CEP250: variants seen among roughly 807,000 people sequenced by gnomAD.
The protein encoded by CEP250 is centrosome-associated protein CEP250.
A neutral mutation model predicts 315.7 loss-of-function variants in CEP250; 242 were observed. That is an observed-to-expected ratio of 0.77 (90% confidence interval 0.69 to 0.85). The LOEUF is 0.85. Among genes scored for constraint, CEP250 ranks in the 40% least tolerant of loss-of-function variants. The probability of loss-of-function intolerance (pLI) is 0.00; values close to 1 mark genes in which losing one functional copy is unlikely to be tolerated. For synonymous variants in CEP250, 1,088 were observed against 1,175.0 expected (o/e 0.93, Z 1.51); for missense variants, 2,515 against 2,886.4 (o/e 0.87, Z 2.95).
rs2064077764 is a variant in CEP250, at chr20:35,503,417, AG to A, written c.5050del (p.Asp1684ThrfsTer9). 1 of 1,614,182 alleles carries A rather than the reference AG, an allele frequency of 6.2e-7. No homozygotes were observed. On this transcript the variant is annotated frameshift_variant, in exon 30 of 35. Coordinates refer to ENST00000397527, the MANE Select transcript of CEP250 (RefSeq NM_007186.6). LOFTEE classifies it high-confidence loss of function. The surrounding 1 kb of genome is among the most constrained non-coding windows in gnomAD (Gnocchi z 4.2). ...QRTRQTKILE[E>X]DLEQIKLSLR... is the part of the protein sequence containing the mutation. ...ACCCGGCAGACCAAGATCCTGGAGG[AG>A]GACCTGGAACAGATCAAGCTGTCCT...
At chr20:35,476,281 C>T (rs2063171147) in intron 15 of CEP250, 168 bp from the exon 16 acceptor site, 1 of 592,904 alleles carries the variant, frequency 1.7e-6, no homozygotes, top group Non-Finnish European at 3.0e-6. Context: ...GAGGTCCTGT[C>T]TCACTCCTTA....
rs2063216830 is a variant in CEP250 at position 35,477,855 on chromosome 20, C to A, written c.1864-16C>A. On this transcript the variant is annotated splice_polypyrimidine_tract_variant and intron_variant, in intron 16 of 34. Coordinates refer to ENST00000397527, the MANE Select transcript of CEP250 (RefSeq NM_007186.6). The stretch of plus-strand genomic sequence containing the variant: ...TGTCTTTGATGCTTGTACTCCCTTC[C>A]CTTTTTGGCCAGTAGTTAGAGGAGG... 2 of 1,558,564 alleles carry A rather than the reference C, an allele frequency of 1.3e-6. No homozygotes were observed. Among genetic ancestry groups the A allele is most frequent in the African/African-American group, 1.4e-5 (1 of 73,822 alleles).
At position 35,511,886 on chromosome 20, in the gene CEP250, C is replaced by G; in HGVS notation, c.*260C>G. On this transcript the variant is annotated 3_prime_UTR_variant, in exon 35 of 35. Transcript: ENST00000397527. ...CCTTGCCCTGGCTGAGGGACATGTA[C>G]TGCCTCTCATCTAGAATTTATTTTC... The G allele has an allele frequency of 1.6e-6, 2 of 1,289,362 alleles. No homozygotes were observed. Among genetic ancestry groups the G allele is most frequent in the African/African-American group, 1.5e-5 (1 of 66,870 alleles). The allele number at this position is 1,289,362 out of a possible 1,614,324, so 79.9% of individuals were successfully genotyped here.
chr20:35,461,395 C>CTCT (rs3838369), intron 3 of CEP250, among the ~76,000 whole-genome samples: 53,030 of 151,860 alleles, frequency 0.35, 10,917 homozygotes, highest in African/African-American at 0.57. Flanking sequence ...ACACCCAGAA[C>CTCT]TCTTTACCAC....
In CEP250 at chr20:35,515,132, G is replaced by C. The variant is rs563931132; in HGVS notation, c.*3506G>C. On this transcript the variant is annotated 3_prime_UTR_variant, in exon 35 of 35. Coordinates refer to ENST00000397527, the MANE Select transcript of CEP250 (RefSeq NM_007186.6). ...GGGTCTAGCTGTGACCTGGGGATCG[G>C]TTGGAGTAGCTTCTTGACCAGCCGG... 6.6e-6 allele frequency: 1 copy of C among 152,622 alleles called. No individual in the cohort carries two copies. Among genetic ancestry groups the C allele is most frequent in the Admixed American group, 6.5e-5 (1 of 15,304 alleles). The allele number at this position is 152,622 out of a possible 1,614,324, so 9.5% of individuals were successfully genotyped here.
At position 35,479,750 on chromosome 20, in the gene CEP250, C is replaced by G. The variant is rs764489895; in HGVS notation, c.2393C>G (p.Thr798Ser). ...CTGGAGGTCCAGATTCAAACTGTCACTCAAGCCAAGGAAGTAATCCAAGGT... is the reference window on the plus strand; with the variant it reads ...CTGGAGGTCCAGATTCAAACTGTCAGTCAAGCCAAGGAAGTAATCCAAGGT... ...GQLEVQIQTV[T>S]QAKEVIQGEV... Residue 798 changes from threonine (T) to serine (S), a missense_variant, in exon 19 of 35, where the codon ACT becomes AGT. Thr to Ser is a moderately conservative substitution (Grantham distance 58, BLOSUM62 1). Transcript: ENST00000397527. 2 of 1,614,194 alleles carry G rather than the reference C, an allele frequency of 1.2e-6. No individual in the cohort carries two copies. Among genetic ancestry groups the G allele is most frequent in the African/African-American group, 1.3e-5 (1 of 75,046 alleles).
chr20:35,467,429 A>C lies in CEP250; in HGVS notation c.725A>C (p.Glu242Ala). The C allele has an allele frequency of 6.2e-7, 1 of 1,614,010 alleles. No homozygotes were observed. The highest frequency in any genetic ancestry group is 8.5e-7 in the Non-Finnish European group (1 of 1,179,948). Reference sequence around the variant, plus strand: ...GGATCTGGAAGAATGGATGGGCGGGAGCCGGCCCAGCTGCTGCTGCTACTA... The same window carrying C: ...GGATCTGGAAGAATGGATGGGCGGGCGCCGGCCCAGCTGCTGCTGCTACTA... Reference protein sequence around the residue: ...PNGSGRMDGREPAQLLLLLAK... With the variant: ...PNGSGRMDGRAPAQLLLLLAK... The change falls in exon 9 of 35, where the codon GAG (glutamate) becomes GCG (alanine). Residue 242 changes from glutamate to alanine, a missense_variant. Physicochemically the swap from Glu to Ala is moderately radical, Grantham distance 107. Coordinates refer to ENST00000397527, the MANE Select transcript of CEP250 (RefSeq NM_007186.6).
In CEP250 at chr20:35,514,303, T is replaced by C. The variant is rs1479082904; in HGVS notation, c.*2677T>C. The stretch of plus-strand genomic sequence containing the variant: ...GTGGATGTACTTGAGGAAGGTGCAA[T>C]TGGCCACCAGAACATGCAGGAGTAG... On this transcript the variant is annotated 3_prime_UTR_variant, in exon 35 of 35. Transcript: ENST00000397527. The C allele has an allele frequency of 6.6e-6, 1 of 152,288 alleles. No homozygotes were observed. Among genetic ancestry groups the C allele is most frequent in the Non-Finnish European group, 1.5e-5 (1 of 68,106 alleles). 9.4% of individuals were successfully genotyped at this position (152,288 alleles called of 1,614,324 possible).
chr20:35,504,066 G>A lies in CEP250; in HGVS notation c.5697G>A (p.Gln1899=), dbSNP rs1427296802. Residue 1899 remains glutamine, a synonymous_variant, in exon 30 of 35, where the codon CAG becomes CAA. Coordinates refer to ENST00000397527, the MANE Select transcript of CEP250 (RefSeq NM_007186.6). ...ACCTAAGGGCTGAGTCTCGGGAACA[G>A]GAGAAAGCTCTGTTGGCCCTCCAGC... ...LGDLRAESRE[Q]EKALLALQQQ... 6.2e-7 allele frequency: 1 copy of A among 1,607,164 alleles called. No individual in the cohort carries two copies. Among genetic ancestry groups the A allele is most frequent in the African/African-American group, 1.3e-5 (1 of 74,708 alleles).
At chr20:35,466,364 G>C (rs1210276013) in intron 7 of CEP250, among the ~76,000 whole-genome samples, 160 bp downstream of exon 7, 1 of 152,204 alleles carries the variant, frequency 6.6e-6, no homozygotes, top group Non-Finnish European at 1.5e-5. Flanking sequence ...GGCAGCCTCA[G>C]CCTTCTTGGG....
intron 24 of CEP250, among the ~76,000 whole-genome samples, chr20:35,495,001 G>A: frequency 6.6e-6 from 1 of 152,190 alleles, no homozygotes; most frequent in East Asian, 1.9e-4. Context: ...AGGAAACAGG[G>A]TGAGAGAGAG....
Position 35,516,863 on chromosome 20 carries a change from G to A in CEP250, c.*5237G>A. ...GTGGAGTCCAGGGGTACATCCAGAAGCAATGGCAGGTGTTATCCATTCATT... is the reference window on the plus strand; with the variant it reads ...GTGGAGTCCAGGGGTACATCCAGAAACAATGGCAGGTGTTATCCATTCATT... On this transcript the variant is annotated 3_prime_UTR_variant, in exon 35 of 35. Transcript: ENST00000397527. The A allele has an allele frequency of 2.3e-6, 1 of 427,218 alleles. No homozygotes were observed. Among genetic ancestry groups the A allele is most frequent in the Non-Finnish European group, 3.1e-6 (1 of 319,586 alleles). 26.5% of individuals were successfully genotyped at this position (427,218 alleles called of 1,614,324 possible).
rs2064068521 is a variant in CEP250, at chr20:35,503,210, T to C, written c.4841T>C (p.Leu1614Pro). 2 of 1,613,840 alleles carry C rather than the reference T, an allele frequency of 1.2e-6. No individual in the cohort carries two copies. The highest frequency in any genetic ancestry group is 1.7e-6 in the Non-Finnish European group (2 of 1,179,962). The change falls in exon 30 of 35, where the codon CTG (leucine) becomes CCG (proline). Residue 1614 changes from leucine to proline, a missense_variant. Coordinates refer to ENST00000397527, the MANE Select transcript of CEP250 (RefSeq NM_007186.6). The surrounding 1 kb of genome is among the most constrained non-coding windows in gnomAD (Gnocchi z 4.2). ...GCACAAAGCAGCCAGATCCATGACCTGGAGAGCCACAGCACCGTTCTGGCA... is the reference window on the plus strand; with the variant it reads ...GCACAAAGCAGCCAGATCCATGACCCGGAGAGCCACAGCACCGTTCTGGCA... ...LQAQSSQIHD[L>P]ESHSTVLARE... is the part of the protein sequence containing the mutation.
chr20:35,483,478 G>A (rs867816328), intron 20 of CEP250, among the ~76,000 whole-genome samples: 6 of 151,378 alleles, frequency 4.0e-5, no homozygotes, highest in African/African-American at 7.3e-5. Context: ...CGCAGCCTCC[G>A]ACGAACTGCA....
At chr20:35,474,961 T>C (rs368601836) in intron 14 of CEP250, 1 of 435,868 alleles carries the variant, frequency 2.3e-6, no homozygotes, top group Non-Finnish European at 4.8e-6. Context: ...AGTGGAAGCT[T>C]GAAGGGCTGC....
At position 35,490,798 on chromosome 20, in the gene CEP250, A is replaced by G. The variant is rs578234468; in HGVS notation, c.2748A>G (p.Leu916=). 2.5e-6 allele frequency: 4 copies of G among 1,612,614 alleles called. No individual in the cohort carries two copies. Among genetic ancestry groups the G allele is most frequent in the African/African-American group, 2.7e-5 (2 of 75,002 alleles). Residue 916 remains leucine (L), a synonymous_variant, in exon 21 of 35, where the codon CTA becomes CTG. Coordinates refer to ENST00000397527, the MANE Select transcript of CEP250 (RefSeq NM_007186.6). ...AACGGACCCAGGCAGAGAGTGCCCTATGCCAGGTGGGAAGCTAGGAGGATT... is the reference window on the plus strand; with the variant it reads ...AACGGACCCAGGCAGAGAGTGCCCTGTGCCAGGTGGGAAGCTAGGAGGATT... The part of the protein sequence containing the change: ...EEERTQAESA[L]CQMQLETEKE...
At chr20:35,482,488 C>T (rs1390782793) in intron 20 of CEP250, among the ~76,000 whole-genome samples, 5 of 152,108 alleles carry the variant, frequency 3.3e-5, no homozygotes, top group Non-Finnish European at 5.9e-5. Flanking sequence ...ATCCACCCGC[C>T]TCGGCCTCCC....
At chr20:35,486,947 C>T (rs1438280043) in intron 20 of CEP250, among the ~76,000 whole-genome samples, 1 of 152,184 alleles carries the variant, frequency 6.6e-6, no homozygotes, top group Non-Finnish European at 1.5e-5. Flanking sequence ...CAGCTACCTA[C>T]GTGGCCTTGG....
At chr20:35,489,578 T>C (rs940809049) in intron 20 of CEP250, among the ~76,000 whole-genome samples, 2 of 152,188 alleles carry the variant, frequency 1.3e-5, no homozygotes, top group African/African-American at 4.8e-5. Context: ...AGTGGTAGAT[T>C]AAAGATTCTC....
Sources: allele counts gnomAD v4.1 joint callset (sites outside exome capture counted in the v4.1 genomes callset), GRCh38; gene constraint gnomAD v4.1.1; non-coding constraint Gnocchi (gnomAD v3.1); transcripts MANE v1.5; gene names NCBI Gene and HGNC (gene_info 2026-07-23, HGNC 2026-07-21).